CHCHD3: variants seen among roughly 807,000 people sequenced by gnomAD.
CHCHD3 encodes MICOS complex subunit MIC19.
CHCHD3 carries 20 observed loss-of-function variants against 38.2 expected under a neutral mutation model. That is an observed-to-expected ratio of 0.52 (90% CI 0.37 to 0.76). The LOEUF is 0.76. CHCHD3 is among the 30% of genes least tolerant of loss of function. The pLI, the probability that CHCHD3 is intolerant of heterozygous loss-of-function variation, is 0.00. For synonymous variants in CHCHD3, 82 were observed against 100.0 expected (o/e 0.82, Z 1.07); for missense variants, 245 against 279.2 (o/e 0.88, Z 0.87).
chr7:133,035,334 T>C lies in CHCHD3; in HGVS notation c.170-10707A>G. 4 of 1,610,974 alleles carry C rather than the reference T, an allele frequency of 2.5e-6. No homozygotes were observed. The highest frequency in any genetic ancestry group is 1.1e-5 in the South Asian group (1 of 91,026). ...CAAGACAGCCCGGAACTGGGGCTGG[T>C]TAATGCAGGTGAGGAACCAGCGGTT... On this transcript the variant is annotated intron_variant, in intron 2 of 7. Transcript: ENST00000262570. This position sits in a 1 kb window ranked among gnomAD's most constrained non-coding sequence, Gnocchi z 4.7.
rs954686814 is a variant in CHCHD3, at chr7:132,856,811, T to C, written c.454-18342A>G. Among the ~76,000 whole-genome samples, 20 of 152,256 alleles carry C rather than the reference T, an allele frequency of 1.3e-4. 1 individual carries two copies. The highest frequency in any genetic ancestry group is 4.8e-4 in the African/African-American group (20 of 41,476). On this transcript the variant is annotated intron_variant, in intron 5 of 7. Coordinates refer to ENST00000262570, the MANE Select transcript of CHCHD3 (RefSeq NM_017812.4). ...TTACTCATTACACGCCTCCTCCTGA[T>C]AGAAGTAGACATTTATTAGCTTCTG...
In CHCHD3 at chr7:133,035,178, C is replaced by T. The variant is rs1813633228; in HGVS notation, c.170-10551G>A. 1.9e-6 allele frequency: 3 copies of T among 1,613,606 alleles called. No individual in the cohort carries two copies. The highest frequency in any genetic ancestry group is 2.2e-5 in the South Asian group (2 of 91,082). ...GGCAGCCGCCTTTTTCTCCTCCTTC[C>T]GCTCAGCCTGGGGCTTCTGCTTCTC... On this transcript the variant is annotated intron_variant, in intron 2 of 7. Transcript: ENST00000262570. This position sits in a 1 kb window ranked among gnomAD's most constrained non-coding sequence, Gnocchi z 4.7.
chr7:133,029,781 GT>G (rs1418718731), intron 2 of CHCHD3, among the ~76,000 whole-genome samples: 1 of 152,142 alleles, frequency 6.6e-6, no homozygotes, highest in Non-Finnish European at 1.5e-5. Flanking sequence ...GCCACTTGCT[GT>G]GGGGTGAGGT....
intron 4 of CHCHD3, among the ~76,000 whole-genome samples, chr7:132,959,413 G>A (rs1002865678): frequency 6.6e-6 from 1 of 152,148 alleles, no homozygotes; most frequent in African/African-American, 2.4e-5. Context: ...CTCAAGGATA[G>A]CAGACATTAA....
At chr7:133,038,994 G>A (rs777443388) in intron 2 of CHCHD3, among the ~76,000 whole-genome samples, 13 of 152,148 alleles carry the variant, frequency 8.5e-5, no homozygotes, top group Non-Finnish European at 1.8e-4. Context: ...TTGCTGTTTG[G>A]ATTTACACAT....
chr7:132,791,790 G>A (rs769275558), intron 7 of CHCHD3, among the ~76,000 whole-genome samples: 9 of 152,150 alleles, frequency 5.9e-5, no homozygotes, highest in South Asian at 4.1e-4. Context: ...TTTTAGAAAC[G>A]AGACAACGGG....
intron 4 of CHCHD3, among the ~76,000 whole-genome samples, chr7:132,938,588 AAACT>A (rs1810686724): frequency 2.0e-5 from 3 of 152,218 alleles, no homozygotes; most frequent in Admixed American, 1.3e-4. Context: ...TCACCCAGGT[AAACT>A]AACTACTCCT....
intron 1 of CHCHD3, among the ~76,000 whole-genome samples, chr7:133,080,715 C>T (rs1488532871): frequency 6.6e-6 from 1 of 152,060 alleles, no homozygotes; most frequent in Non-Finnish European, 1.5e-5. Context: ...ATACTGGTCA[C>T]AGACCAAAAA....
At chr7:132,923,685 C>A (rs1193713148) in intron 4 of CHCHD3, among the ~76,000 whole-genome samples, 1 of 152,064 alleles carries the variant, frequency 6.6e-6, no homozygotes, top group Non-Finnish European at 1.5e-5. Context: ...TCCAAATAAA[C>A]ATATTTTTTC....
intron 2 of CHCHD3, among the ~76,000 whole-genome samples, chr7:133,031,289 G>C (rs138516308): frequency 1.3e-5 from 2 of 152,146 alleles, no homozygotes; most frequent in Non-Finnish European, 2.9e-5. Flanking sequence ...GGAATGGTAC[G>C]GGGAGACATA....
chr7:132,798,964 T>C (rs546214946), intron 6 of CHCHD3, among the ~76,000 whole-genome samples: 1 of 152,000 alleles, frequency 6.6e-6, no homozygotes, highest in East Asian at 1.9e-4. Flanking sequence ...AAATCAATAC[T>C]ACTCACTTCC....
intron 2 of CHCHD3, among the ~76,000 whole-genome samples, chr7:133,036,765 A>C (rs1813689874): frequency 6.6e-6 from 1 of 152,210 alleles, no homozygotes; most frequent in Admixed American, 6.5e-5. Flanking sequence ...CATAAACAGA[A>C]TGAAACTCTT....
chr7:132,836,129 T>C (rs949606393), intron 6 of CHCHD3, among the ~76,000 whole-genome samples: 1 of 152,108 alleles, frequency 6.6e-6, no homozygotes, highest in Non-Finnish European at 1.5e-5. Context: ...ATTTTTTTTT[T>C]TTTAGACAGA....
chr7:133,077,861 G>T (rs1472668885), intron 1 of CHCHD3, among the ~76,000 whole-genome samples: 1 of 150,134 alleles, frequency 6.7e-6, no homozygotes, highest in Non-Finnish European at 1.5e-5. Context: ...GGGAAGAAAA[G>T]CTATCAGTTG....
chr7:133,036,900 C>G (rs1394291961), intron 2 of CHCHD3, among the ~76,000 whole-genome samples: 1 of 152,084 alleles, frequency 6.6e-6, no homozygotes. Flanking sequence ...TGTCAACATG[C>G]TAGGATTTGT....
chr7:132,990,565 T>A (rs1192747859), intron 3 of CHCHD3, among the ~76,000 whole-genome samples: 1 of 152,084 alleles, frequency 6.6e-6, no homozygotes, highest in Non-Finnish European at 1.5e-5. Flanking sequence ...CTGAGAGACA[T>A]GGGTGGGGTC....
chr7:132,992,800 C>T (rs991775139), intron 3 of CHCHD3, among the ~76,000 whole-genome samples: 4 of 152,014 alleles, frequency 2.6e-5, no homozygotes, highest in Non-Finnish European at 4.4e-5. Flanking sequence ...TTTGTTTTTG[C>T]CTTTTCAGCT....
rs535991986 is a variant in CHCHD3 at position 132,866,998 on chromosome 7, C to T, written c.453+18664G>A. 9.5e-4 allele frequency among the ~76,000 whole-genome samples: 144 copies of T among 152,296 alleles called. 1 individual carries two copies. The highest frequency in any genetic ancestry group is 3.2e-3 in the African/African-American group (135 of 41,556). On this transcript the variant is annotated intron_variant, in intron 5 of 7. Transcript: ENST00000262570. Reference sequence around the variant, plus strand: ...GGCCTCGCTATCCAAAACAGCATCACGCACACCTACCCACCATACACATAC... The same window carrying T: ...GGCCTCGCTATCCAAAACAGCATCATGCACACCTACCCACCATACACATAC...
At chr7:132,943,308 T>C (rs1468132140) in intron 4 of CHCHD3, among the ~76,000 whole-genome samples, 1 of 152,112 alleles carries the variant, frequency 6.6e-6, no homozygotes, top group Non-Finnish European at 1.5e-5. Context: ...GACTGGGGAA[T>C]TGCCTTGACA....
Sources: allele counts gnomAD v4.1 joint callset (sites outside exome capture counted in the v4.1 genomes callset), GRCh38; gene constraint gnomAD v4.1.1; non-coding constraint Gnocchi (gnomAD v3.1); transcripts MANE v1.5; gene names NCBI Gene and HGNC (gene_info 2026-07-23, HGNC 2026-07-21).